PALM: variants seen among roughly 807,000 people sequenced by gnomAD.
PALM encodes the protein paralemmin, also known as paralemmin-1.
In PALM, 18 loss-of-function variants were observed where a neutral mutation model predicts 30.7. The ratio of observed to expected loss-of-function variants is 0.59; its 90% confidence interval spans 0.41 to 0.87. The LOEUF (loss-of-function observed/expected upper bound fraction) is 0.87. Ranked by LOEUF, PALM falls within the 40% of genes least tolerant of loss-of-function variation. The pLI is 0.00. For synonymous variants in PALM, 286 were observed against 242.8 expected (o/e 1.18, Z -1.66); for missense variants, 529 against 555.4 (o/e 0.95, Z 0.48).
At chr19:743,634 G>A (rs574304829) in intron 8 of PALM, among the ~76,000 whole-genome samples, 2 of 152,316 alleles carry the variant, frequency 1.3e-5, no homozygotes, top group East Asian at 1.9e-4. Context: ...GAGAGGAGGC[G>A]AGTCCCTGGG....
rs752552043 is a variant in PALM at position 726,122 on chromosome 19, T to C, written c.6-16T>C. 1 of 1,608,986 alleles carries C rather than the reference T, an allele frequency of 6.2e-7. No individual in the cohort carries two copies. The highest frequency in any genetic ancestry group is 8.5e-7 in the Non-Finnish European group (1 of 1,175,846). On this transcript the variant is annotated splice_polypyrimidine_tract_variant and intron_variant, in intron 1 of 8. Coordinates refer to ENST00000338448, the MANE Select transcript of PALM (RefSeq NM_002579.3). ...GGCTCAGTGAACCAGAGCTTGACCTTATCTCCCTCCCGCAGGGTCCTGGCG... is the reference window on the plus strand; with the variant it reads ...GGCTCAGTGAACCAGAGCTTGACCTCATCTCCCTCCCGCAGGGTCCTGGCG...
intron 1 of PALM, among the ~76,000 whole-genome samples, chr19:725,261 CAA>C (rs1012039618): frequency 3.3e-5 from 5 of 151,540 alleles, no homozygotes; most frequent in Admixed American, 2.0e-4. Flanking sequence ...GGGCTGTTTT[CAA>C]AAGACAATGA....
At chr19:729,586 C>T (rs571659651) in intron 4 of PALM, among the ~76,000 whole-genome samples, 8 of 150,952 alleles carry the variant, frequency 5.3e-5, no homozygotes, top group Admixed American at 6.7e-5. Flanking sequence ...CTGCCTCAGC[C>T]TTCTGAGTAG....
Position 719,111 on chromosome 19 carries a change from C to T in PALM, c.6-7027C>T, listed in dbSNP as rs969598228. 2.8e-5 allele frequency: 28 copies of T among 985,186 alleles called. No individual in the cohort carries two copies. In the South Asian group the frequency reaches 1.1e-3, roughly 38 times the overall value. 61.0% of individuals were successfully genotyped at this position (985,186 alleles called of 1,614,324 possible). On this transcript the variant is annotated intron_variant, in intron 1 of 8. Coordinates refer to ENST00000338448, the MANE Select transcript of PALM (RefSeq NM_002579.3). ...GCAGGAATGTTCCCGGCGCTGGGCTCGGCGCCTGCCCGGGCAGGGACCCCC... is the reference window on the plus strand; with the variant it reads ...GCAGGAATGTTCCCGGCGCTGGGCTTGGCGCCTGCCCGGGCAGGGACCCCC...
intron 1 of PALM, among the ~76,000 whole-genome samples, chr19:722,272 T>A (rs1458992419): frequency 6.6e-6 from 1 of 152,120 alleles, no homozygotes; most frequent in Non-Finnish European, 1.5e-5. Context: ...CTGGAGACAG[T>A]GGCACAATCA....
intron 1 of PALM, among the ~76,000 whole-genome samples, chr19:720,701 C>T (rs1047335332): frequency 3.3e-5 from 5 of 152,012 alleles, no homozygotes; most frequent in African/African-American, 1.2e-4. Context: ...CCCGCGCGTT[C>T]CCTGCCCGCC....
intron 1 of PALM, among the ~76,000 whole-genome samples, chr19:711,590 T>C (rs1568216668): frequency 6.6e-6 from 1 of 152,234 alleles, no homozygotes; most frequent in East Asian, 1.9e-4. Context: ...CTAGTGATAA[T>C]TGAATTTAAT....
intron 1 of PALM, chr19:719,227 C>T: frequency 1.0e-6 from 1 of 985,590 alleles, no homozygotes; most frequent in South Asian, 4.7e-5. Flanking sequence ...TCGGACAGGG[C>T]CCGCCCTGCT....
At chr19:744,618 G>A (rs1431196991) in intron 8 of PALM, among the ~76,000 whole-genome samples, 2 of 152,144 alleles carry the variant, frequency 1.3e-5, no homozygotes, top group African/African-American at 2.4e-5. Flanking sequence ...TAATGGCCAG[G>A]CATGGTGGCT....
intron 3 of PALM, 71 bp from the exon 4 acceptor site, chr19:727,493 G>T: frequency 7.7e-7 from 1 of 1,290,496 alleles, no homozygotes; most frequent in South Asian, 1.3e-5. Flanking sequence ...TCCTGACCCT[G>T]ACCTCAGTCT....
chr19:725,169 G>T (rs1231115447), intron 1 of PALM, among the ~76,000 whole-genome samples: 1 of 150,770 alleles, frequency 6.6e-6, no homozygotes, highest in Admixed American at 6.7e-5. Context: ...CAAGTGATCC[G>T]CCTGCCTCAG....
chr19:727,479 C>T, intron 3 of PALM, 85 bp from the exon 4 acceptor site: 1 of 1,171,258 alleles, frequency 8.5e-7, no homozygotes, highest in Non-Finnish European at 1.2e-6. Context: ...AACCCCGACC[C>T]TGATCCTGAC....
chr19:742,061 A>G lies in PALM; in HGVS notation c.634+1578A>G, dbSNP rs1349123987. 1.3e-5 allele frequency among the ~76,000 whole-genome samples: 2 copies of G among 152,042 alleles called. No homozygotes were observed. Among genetic ancestry groups the G allele is most frequent in the African/African-American group, 4.8e-5 (2 of 41,394 alleles). ...TCGCAGACCATAAAATTCCGCCTTA[A>G]TGGGAGGCTCATCTGGGCCCGGGAC... On this transcript the variant is annotated intron_variant, in intron 8 of 8. Coordinates refer to ENST00000338448, the MANE Select transcript of PALM (RefSeq NM_002579.3). The surrounding 1 kb of genome is among the most constrained non-coding windows in gnomAD (Gnocchi z 5.5).
At chr19:729,228 A>G (rs1192225009) in intron 4 of PALM, among the ~76,000 whole-genome samples, 1 of 150,920 alleles carries the variant, frequency 6.6e-6, no homozygotes, top group Non-Finnish European at 1.5e-5. Context: ...GGGGAGGCTG[A>G]GGCAGGAGAA....
intron 1 of PALM, 73 bp from the exon 2 acceptor site, chr19:726,065 C>G: frequency 8.6e-7 from 1 of 1,163,158 alleles, no homozygotes; most frequent in Non-Finnish European, 1.3e-6. Flanking sequence ...AGAGGCAGAG[C>G]TGGGATTTGA....
chr19:738,292 C>T (rs541301128), intron 7 of PALM, among the ~76,000 whole-genome samples: 17 of 152,042 alleles, frequency 1.1e-4, no homozygotes, highest in Admixed American at 2.6e-4. Context: ...TTTGGGAGGC[C>T]GAGGGGGGCA....
chr19:719,042 C>G (rs1411130467), intron 1 of PALM: 4 of 895,894 alleles, frequency 4.5e-6, no homozygotes, highest in East Asian at 1.2e-4. Context: ...CCCCACCCCC[C>G]ACAATGGCCA....
At chr19:712,118 G>T (rs11668902) in intron 1 of PALM, among the ~76,000 whole-genome samples, 34,227 of 151,792 alleles carry the variant, frequency 0.23, 3,941 homozygotes, top group Non-Finnish European at 0.23. Context: ...CGCCTCCCGG[G>T]TTCAAGCAAT....
intron 4 of PALM, 116 bp downstream of exon 4, chr19:727,810 C>T (rs566222019): frequency 4.7e-4 from 470 of 990,822 alleles, no homozygotes; most frequent in Non-Finnish European, 6.3e-4. Flanking sequence ...ATGCGTGGAC[C>T]GGGCAGGCCA....
Sources: allele counts gnomAD v4.1 joint callset (sites outside exome capture counted in the v4.1 genomes callset), GRCh38; gene constraint gnomAD v4.1.1; non-coding constraint Gnocchi (gnomAD v3.1); transcripts MANE v1.5; gene names NCBI Gene and HGNC (gene_info 2026-07-23, HGNC 2026-07-21).